MRPL1: variants seen among roughly 807,000 people sequenced by gnomAD.
MRPL1 encodes the protein large ribosomal subunit protein uL1m.
MRPL1 carries 28 observed loss-of-function variants against 38.0 expected under a neutral mutation model. The ratio of observed to expected loss-of-function variants is 0.74; its 90% confidence interval spans 0.55 to 1.01. The LOEUF (loss-of-function observed/expected upper bound fraction) is 1.01. Among genes scored for constraint, MRPL1 ranks in the 50% least tolerant of loss-of-function variants. The probability of loss-of-function intolerance (pLI) is 0.00; values close to 1 mark genes in which losing one functional copy is unlikely to be tolerated. For synonymous variants in MRPL1, 123 were observed against 126.7 expected, an observed-to-expected ratio of 0.97 and a Z score of 0.20; for missense variants, 358 against 389.8, an observed-to-expected ratio of 0.92 and a Z score of 0.69.
At chr4:77,949,724 A>G in intron 7 of MRPL1, 73 bp from the exon 8 acceptor site, 1 of 1,083,486 alleles carries the variant, frequency 9.2e-7, no homozygotes. Context: ...TGACTATTTG[A>G]AAAATAGTCT....
chr4:77,881,704 G>A (rs996361326), intron 2 of MRPL1, among the ~76,000 whole-genome samples: 2 of 152,136 alleles, frequency 1.3e-5, no homozygotes, highest in Admixed American at 6.5e-5. Flanking sequence ...GCCTCCCAAA[G>A]TGCTGGAATT....
At chr4:77,888,608 A>G (rs1735736998) in intron 5 of MRPL1, among the ~76,000 whole-genome samples, 1 of 152,176 alleles carries the variant, frequency 6.6e-6, no homozygotes, top group South Asian at 2.1e-4. Context: ...CTTTTTAGGA[A>G]GTAGGAAGAA....
intron 6 of MRPL1, among the ~76,000 whole-genome samples, chr4:77,901,432 A>G (rs956337333): frequency 9.2e-5 from 14 of 152,048 alleles, no homozygotes; most frequent in African/African-American, 2.9e-4. Context: ...ATAATTGGAA[A>G]TGGACCACAC....
chr4:77,864,557 C>G (rs1006656299), intron 1 of MRPL1: 10 of 152,042 alleles, frequency 6.6e-5, no homozygotes, highest in African/African-American at 2.4e-4. Flanking sequence ...GTAATTCAAC[C>G]CAAAGAAATT....
At chr4:77,892,714 G>A (rs1340453728) in intron 5 of MRPL1, among the ~76,000 whole-genome samples, 1 of 151,750 alleles carries the variant, frequency 6.6e-6, no homozygotes, top group African/African-American at 2.4e-5. Flanking sequence ...TTTAGAAATT[G>A]CCTCTGCTTT....
At position 77,885,312 on chromosome 4, in the gene MRPL1, A is replaced by C. The variant is rs764148041; in HGVS notation, c.459A>C (p.Glu153Asp). The change falls in exon 4 of 9, where the codon GAA becomes GAC. Residue 153 changes from glutamate to aspartate, a missense_variant. Coordinates refer to ENST00000315567, the MANE Select transcript of MRPL1 (RefSeq NM_020236.4). ...VLSLPYPFASEINKVAVFTEN... is the reference protein window; with the variant it reads ...VLSLPYPFASDINKVAVFTEN... ...GTTTGCCATACCCATTTGCTTCCGA[A>C]ATCAATAAAGTTGCTGTATTTACAG... is the stretch of plus-strand genomic sequence containing the variant. The C allele has an allele frequency of 6.2e-6, 10 of 1,613,740 alleles. No individual in the cohort carries two copies. Among genetic ancestry groups the C allele is most frequent in the Middle Eastern group, 1.6e-4 (1 of 6,084 alleles).
intron 7 of MRPL1, among the ~76,000 whole-genome samples, chr4:77,948,824 G>A (rs1737338103): frequency 6.7e-6 from 1 of 148,838 alleles, no homozygotes; most frequent in African/African-American, 2.5e-5. Flanking sequence ...AGGCTGGAGT[G>A]CAGTGGCACA....
chr4:77,894,293 C>T (rs896064412), intron 6 of MRPL1, 43 bp downstream of exon 6: 1 of 1,229,728 alleles, frequency 8.1e-7, no homozygotes, highest in Admixed American at 2.1e-5. Flanking sequence ...CAACAACTTT[C>T]TTGTGAACTT....
chr4:77,879,548 A>C (rs1367702413), intron 2 of MRPL1, among the ~76,000 whole-genome samples: 1 of 152,210 alleles, frequency 6.6e-6, no homozygotes, highest in Non-Finnish European at 1.5e-5. Flanking sequence ...TTGCAAATTA[A>C]TTGCATAGGT....
At chr4:77,907,584 TG>T (rs1736186134) in intron 6 of MRPL1, among the ~76,000 whole-genome samples, 1 of 148,182 alleles carries the variant, frequency 6.7e-6, no homozygotes, top group Non-Finnish European at 1.5e-5. Context: ...CTCCTGTTCT[TG>T]ATGGAGTCTT....
At chr4:77,879,363 T>C (rs1735485545) in intron 2 of MRPL1, among the ~76,000 whole-genome samples, 1 of 152,174 alleles carries the variant, frequency 6.6e-6, no homozygotes, top group South Asian at 2.1e-4. Context: ...ACTTTTTTTG[T>C]GTTTATAAAT....
intron 7 of MRPL1, among the ~76,000 whole-genome samples, chr4:77,942,717 G>C (rs536617245): frequency 6.6e-6 from 1 of 152,262 alleles, no homozygotes; most frequent in Admixed American, 6.5e-5. Context: ...GTGTCCATTT[G>C]TATGGATTAA....
In MRPL1 at chr4:77,862,881, T is replaced by A; in HGVS notation, c.31+2T>A. On this transcript the variant is annotated splice_donor_variant, in intron 1 of 8. Transcript: ENST00000315567. LOFTEE classifies it high-confidence loss of function. Reference sequence around the variant, plus strand: ...CGGCCGTAAGGTGCATGGGTAGAGGTAAGGCGAGGGGTTGTCTTGCAGGGG... The same window carrying A: ...CGGCCGTAAGGTGCATGGGTAGAGGAAAGGCGAGGGGTTGTCTTGCAGGGG... 1 of 1,613,826 alleles carries A rather than the reference T, an allele frequency of 6.2e-7. No individual in the cohort carries two copies. The highest frequency in any genetic ancestry group is 8.5e-7 in the Non-Finnish European group (1 of 1,179,930).
intron 6 of MRPL1, among the ~76,000 whole-genome samples, chr4:77,895,591 T>A (rs1404729002): frequency 1.3e-5 from 2 of 152,136 alleles, no homozygotes; most frequent in Non-Finnish European, 2.9e-5. Flanking sequence ...GTTAGTAGAT[T>A]TGTCTTCAAA....
intron 6 of MRPL1, 58 bp from the exon 7 acceptor site, chr4:77,909,208 C>A: frequency 9.9e-7 from 1 of 1,006,038 alleles, no homozygotes; most frequent in Non-Finnish European, 1.6e-6. Context: ...TTCTTTTATT[C>A]AGTAATTTTT....
At chr4:77,917,774 G>C (rs2110252122) in intron 7 of MRPL1, among the ~76,000 whole-genome samples, 1 of 152,248 alleles carries the variant, frequency 6.6e-6, no homozygotes, top group Non-Finnish European at 1.5e-5. Flanking sequence ...GTGTATATTG[G>C]GCTGGGTGCA....
intron 7 of MRPL1, among the ~76,000 whole-genome samples, chr4:77,939,433 A>T (rs1253660934): frequency 1.3e-5 from 2 of 151,550 alleles, no homozygotes; most frequent in Non-Finnish European, 2.9e-5. Context: ...TAGATTCTGG[A>T]TATTAGTCCT....
chr4:77,880,832 A>G lies in MRPL1; in HGVS notation c.144-2410A>G, dbSNP rs143384076. ...ATTATTTATCATTGCCCACATATCT[A>G]TGGGTCAGCTGACATAGGCTGGGTT... On this transcript the variant is annotated intron_variant, in intron 2 of 8. Coordinates refer to ENST00000315567, the MANE Select transcript of MRPL1 (RefSeq NM_020236.4). Among the ~76,000 whole-genome samples, 666 of 152,248 alleles carry G rather than the reference A, an allele frequency of 4.4e-3. 7 individuals are homozygous for G. Among genetic ancestry groups the G allele is most frequent in the African/African-American group, 0.015 (633 of 41,534 alleles).
At chr4:77,949,333 C>A (rs1438221361) in intron 7 of MRPL1, among the ~76,000 whole-genome samples, 1 of 152,122 alleles carries the variant, frequency 6.6e-6, no homozygotes. Context: ...AGCACAACAT[C>A]CTGAAATTGT....
Sources: allele counts gnomAD v4.1 joint callset (sites outside exome capture counted in the v4.1 genomes callset), GRCh38; gene constraint gnomAD v4.1.1; transcripts MANE v1.5; gene names NCBI Gene and HGNC (gene_info 2026-07-23, HGNC 2026-07-21).